TRIM5: variants seen among roughly 807,000 people sequenced by gnomAD.
TRIM5 encodes tripartite motif containing 5.
Under a neutral mutation model 35.6 loss-of-function variants are expected in TRIM5, and 31 were observed. The observed-to-expected ratio is 0.87, with a 90% CI of 0.65 to 1.18. The LOEUF is 1.18. Ranked by LOEUF, TRIM5 falls within the 50% of genes most tolerant of loss-of-function variation. The pLI is 0.00. For synonymous variants in TRIM5, 243 were observed against 215.6 expected (o/e 1.13, Z -1.11); for missense variants, 609 against 591.6 (o/e 1.03, Z -0.31).
At chr11:5,632,392 C>T in the TRIM5 span, 9 of 1,614,102 alleles carry the variant, frequency 5.6e-6, no homozygotes, top group African/African-American at 1.3e-5. Context: ...CTGCCTGGAG[C>T]TGTTGACAGA....
intron 3 of TRIM5, 121 bp from the exon 4 acceptor site, chr11:5,678,555 G>C (rs1389256279): frequency 1.3e-6 from 1 of 750,606 alleles, no homozygotes; most frequent in Non-Finnish European, 2.1e-6. Context: ...CAGGAGAGTA[G>C]GTCTTAGGAA....
At chr11:5,660,371 C>T (rs1305912366), downstream of TRIM5, among the ~76,000 whole-genome samples, 2 of 152,138 alleles carry the variant, frequency 1.3e-5, no homozygotes, top group African/African-American at 4.8e-5. Context: ...AGTGAAAAGC[C>T]ACAGAAACAG....
chr11:5,680,983 AG>A (rs1852394806), intron 1 of TRIM5, among the ~76,000 whole-genome samples: 5 of 151,588 alleles, frequency 3.3e-5, no homozygotes, highest in Admixed American at 2.6e-4. Flanking sequence ...ATTAATACCC[AG>A]AGCAATTGGG....
chr11:5,656,634 G>T, the TRIM5 span, among the ~76,000 whole-genome samples: 4 of 151,982 alleles, frequency 2.6e-5, no homozygotes, highest in Admixed American at 6.6e-5. Context: ...GATTATAGGC[G>T]TGAGCCACTA....
At chr11:5,656,377 A>C in the TRIM5 span, among the ~76,000 whole-genome samples, 2 of 150,274 alleles carry the variant, frequency 1.3e-5, no homozygotes, top group African/African-American at 2.4e-5. Context: ...TTTTTGAGAA[A>C]GAGTTTTGCT....
chr11:5,664,874 C>A lies in TRIM5; in HGVS notation c.1417G>T (p.Val473Leu), dbSNP rs1437008012. 1.9e-6 allele frequency: 3 copies of A among 1,613,364 alleles called. No homozygotes were observed. The highest frequency in any genetic ancestry group is 8.5e-7 in the Non-Finnish European group (1 of 1,179,788). The change falls in exon 8 of 8, where the codon GTA becomes TTA. Residue 473 changes from valine to leucine, a missense_variant. Val to Leu is a conservative substitution (Grantham distance 32). Transcript: ENST00000380034. ...KFSHCSFSQP[V>L]FPYLNPRKCG... ...TTTCTAGGATTTAAATATGGAAATA[C>A]AGGCTGAGAAAAAGAACAGTGAGAA...
the TRIM5 span, among the ~76,000 whole-genome samples, chr11:5,596,471 G>A: frequency 6.8e-6 from 1 of 147,508 alleles, no homozygotes; most frequent in Non-Finnish European, 1.5e-5. Flanking sequence ...CATTTTGTCA[G>A]GCGTGGATTC....
downstream of TRIM5, among the ~76,000 whole-genome samples, chr11:5,661,491 G>T (rs1334402375): frequency 6.6e-6 from 1 of 152,010 alleles, no homozygotes; most frequent in Admixed American, 6.6e-5. Flanking sequence ...CAGTCTTCAA[G>T]CAATCCCTGT....
downstream of TRIM5, among the ~76,000 whole-genome samples, chr11:5,659,561 T>C (rs1384412041): frequency 6.6e-6 from 1 of 152,204 alleles, no homozygotes; most frequent in Non-Finnish European, 1.5e-5. Context: ...TATTCAAAGC[T>C]GTAGAATGTA....
chr11:5,631,194 CAAG>C, the TRIM5 span, among the ~76,000 whole-genome samples: 10 of 152,118 alleles, frequency 6.6e-5, no homozygotes, highest in Non-Finnish European at 4.4e-5. Context: ...TCCTTCAGGC[CAAG>C]AAGAAATCCT....
the TRIM5 span, chr11:5,597,021 A>C: frequency 6.4e-7 from 1 of 1,567,706 alleles, no homozygotes; most frequent in South Asian, 1.2e-5. Flanking sequence ...TTATATCTTT[A>C]TTTCTTTTTC....
the TRIM5 span, chr11:5,634,908 CTGTGTCCT>C: frequency 6.3e-7 from 1 of 1,581,870 alleles, no homozygotes; most frequent in Non-Finnish European, 8.6e-7. Context: ...CAGTTCCCTC[CTGTGTCCT>C]TGCGTTCTCA....
At chr11:5,597,556 C>A in the TRIM5 span, among the ~76,000 whole-genome samples, 1 of 151,996 alleles carries the variant, frequency 6.6e-6, no homozygotes, top group East Asian at 1.9e-4. Flanking sequence ...AAATGTTATT[C>A]CTAAAGTGCA....
At chr11:5,636,382 T>G in the TRIM5 span, among the ~76,000 whole-genome samples, 1 of 152,194 alleles carries the variant, frequency 6.6e-6, no homozygotes. Flanking sequence ...AGGAAGTAAT[T>G]GCTAATTAGT....
At chr11:5,677,746 T>C (rs1852105353) in intron 4 of TRIM5, among the ~76,000 whole-genome samples, 1 of 152,160 alleles carries the variant, frequency 6.6e-6, no homozygotes, top group Non-Finnish European at 1.5e-5. Flanking sequence ...GTGAATTCTA[T>C]TGAGCATATA....
chr11:5,675,929 C>T (rs535228278), intron 4 of TRIM5, among the ~76,000 whole-genome samples: 4,716 of 112,646 alleles, frequency 0.042, 243 homozygotes, highest in African/African-American at 0.11. Context: ...TCAATTCCCA[C>T]CTATGAGTGA....
At chr11:5,652,450 A>G in the TRIM5 span, among the ~76,000 whole-genome samples, 1 of 152,068 alleles carries the variant, frequency 6.6e-6, no homozygotes, top group African/African-American at 2.4e-5. Context: ...GCTTTTGTCA[A>G]CTTGGTTTAA....
intron 4 of TRIM5, among the ~76,000 whole-genome samples, chr11:5,676,646 G>T (rs372753816): frequency 0.081 from 11,967 of 147,878 alleles, 549 homozygotes; most frequent in Non-Finnish European, 0.088. Context: ...CATCACCAAG[G>T]CAATCCTAAG....
the TRIM5 span, chr11:5,610,616 G>A: frequency 6.3e-7 from 1 of 1,591,494 alleles, no homozygotes; most frequent in Non-Finnish European, 8.6e-7. Context: ...CCTTTCACAT[G>A]CCCTCCCCAG....
Sources: allele counts gnomAD v4.1 joint callset (sites outside exome capture counted in the v4.1 genomes callset), GRCh38; gene constraint gnomAD v4.1.1; transcripts MANE v1.5; gene names NCBI Gene and HGNC (gene_info 2026-07-23, HGNC 2026-07-21).